PTPRD: variants seen among roughly 807,000 people sequenced by gnomAD.
PTPRD encodes the protein receptor-type tyrosine-protein phosphatase delta.
In PTPRD, 34 loss-of-function variants were observed where a neutral mutation model predicts 214.5. The observed-to-expected ratio is 0.16, with a 90% confidence interval of 0.12 to 0.21. The LOEUF (loss-of-function observed/expected upper bound fraction) is 0.21. PTPRD is among the 10% of genes least tolerant of loss of function. PTPRD has a pLI of 1.00. For synonymous variants in PTPRD, 1,128 were observed against 845.7 expected (o/e 1.33, Z -5.79); for missense variants, 2,545 against 2,398.7 (o/e 1.06, Z -1.27).
chr9:9,922,558 AATAGAG>A lies in PTPRD; in HGVS notation c.-368+15943_-368+15948del, dbSNP rs1357542927. On this transcript the variant is annotated intron_variant, in intron 5 of 45. Transcript: ENST00000381196. ...TACAGTAACAACTAAAAAGGACTGA[AATAGAG>A]ATAATGTCTATAATCAAAGAACAGG... Among the ~76,000 whole-genome samples the A allele has an allele frequency of 2.6e-5, 4 of 152,132 alleles. No homozygotes were observed. The East Asian group carries it at 7.7e-4, about 29-fold the overall frequency.
intron 2 of PTPRD, among the ~76,000 whole-genome samples, chr9:10,521,710 T>C (rs1180146069): frequency 6.6e-6 from 1 of 152,108 alleles, no homozygotes; most frequent in Admixed American, 6.6e-5. Flanking sequence ...ATTAGCATGG[T>C]GGCGGGACCC....
chr9:10,478,702 C>T (rs971169186), intron 2 of PTPRD, among the ~76,000 whole-genome samples: 1 of 151,604 alleles, frequency 6.6e-6, no homozygotes, highest in South Asian at 2.1e-4. Flanking sequence ...AATACAATTA[C>T]AGAGTTACTA....
At chr9:8,442,470 G>A (rs570168779) in intron 34 of PTPRD, among the ~76,000 whole-genome samples, 11 of 152,200 alleles carry the variant, frequency 7.2e-5, no homozygotes, top group East Asian at 1.9e-4. Context: ...CTATATACGT[G>A]TGTTTGTAAT....
At chr9:8,946,009 C>G (rs72706298) in intron 11 of PTPRD, among the ~76,000 whole-genome samples, 1 of 152,144 alleles carries the variant, frequency 6.6e-6, no homozygotes, top group Non-Finnish European at 1.5e-5. Flanking sequence ...TCCTCCTAAG[C>G]CATGTTACTC....
At chr9:9,165,684 G>C (rs1173402579) in intron 10 of PTPRD, among the ~76,000 whole-genome samples, 1 of 152,090 alleles carries the variant, frequency 6.6e-6, no homozygotes, top group Non-Finnish European at 1.5e-5. Context: ...AACTTACTGA[G>C]ATAGCAATGT....
At chr9:9,104,921 T>C (rs1290545863) in intron 10 of PTPRD, among the ~76,000 whole-genome samples, 1 of 151,980 alleles carries the variant, frequency 6.6e-6, no homozygotes, top group African/African-American at 2.4e-5. Flanking sequence ...AAGTGTGAGA[T>C]AGGAAAAGAT....
chr9:10,119,407 A>G (rs1205764072), intron 3 of PTPRD, among the ~76,000 whole-genome samples: 1 of 152,080 alleles, frequency 6.6e-6, no homozygotes, highest in Non-Finnish European at 1.5e-5. Flanking sequence ...TTAAAAGGAT[A>G]TCATGCATTC....
chr9:8,472,241 C>T (rs888352432), intron 30 of PTPRD, among the ~76,000 whole-genome samples: 2 of 152,140 alleles, frequency 1.3e-5, no homozygotes, highest in Non-Finnish European at 1.5e-5. Context: ...ACTCCATACA[C>T]TTCGTGGAGA....
intron 9 of PTPRD, among the ~76,000 whole-genome samples, chr9:9,250,223 C>T (rs557010165): frequency 2.0e-5 from 3 of 152,158 alleles, no homozygotes; most frequent in African/African-American, 4.8e-5. Context: ...GCATGTGTAG[C>T]TTCATATTTT....
At chr9:9,291,154 G>T (rs762886009) in intron 9 of PTPRD, among the ~76,000 whole-genome samples, 1 of 151,394 alleles carries the variant, frequency 6.6e-6, no homozygotes, top group Non-Finnish European at 1.5e-5. Context: ...CATTTCTGAG[G>T]CATATGTATG....
intron 9 of PTPRD, among the ~76,000 whole-genome samples, chr9:9,241,883 C>CA (rs2099970535): frequency 6.6e-6 from 1 of 152,030 alleles, no homozygotes; most frequent in Non-Finnish European, 1.5e-5. Flanking sequence ...TTGATACTGT[C>CA]ATTAAGATGT....
Position 9,065,848 on chromosome 9 carries a change from G to A in PTPRD, c.-142-47113C>T, listed in dbSNP as rs559582212. Among the ~76,000 whole-genome samples, 8 of 152,180 alleles carry A rather than the reference G, an allele frequency of 5.3e-5. No homozygotes were observed. The South Asian group carries it at 1.7e-3, about 32-fold the overall frequency. On this transcript the variant is annotated intron_variant, in intron 10 of 45. Transcript: ENST00000381196. Reference sequence around the variant, plus strand: ...CCATTAATTAATGTAATGTATAAATGTAATCCATTTAACCTCACCAATCTC... The same window carrying A: ...CCATTAATTAATGTAATGTATAAATATAATCCATTTAACCTCACCAATCTC...
At chr9:8,682,366 T>C (rs1388550701) in intron 12 of PTPRD, among the ~76,000 whole-genome samples, 1 of 150,658 alleles carries the variant, frequency 6.6e-6, no homozygotes, top group Non-Finnish European at 1.5e-5. Flanking sequence ...ACTTGGGCTT[T>C]AAATAATTAA....
At chr9:8,715,305 G>A (rs1023307205) in intron 12 of PTPRD, among the ~76,000 whole-genome samples, 1 of 152,066 alleles carries the variant, frequency 6.6e-6, no homozygotes, top group Admixed American at 6.6e-5. Flanking sequence ...CATAACAACT[G>A]CAGGATGAGG....
chr9:10,397,935 A>G (rs2098202062), intron 2 of PTPRD, among the ~76,000 whole-genome samples: 1 of 151,988 alleles, frequency 6.6e-6, no homozygotes, highest in Non-Finnish European at 1.5e-5. Context: ...TATTGTTGTC[A>G]TTAAGTGACA....
chr9:9,944,878 A>C (rs7874480), intron 4 of PTPRD, among the ~76,000 whole-genome samples: 17,597 of 151,990 alleles, frequency 0.12, 3,375 homozygotes, highest in African/African-American at 0.4. Flanking sequence ...GAGAAGGTCC[A>C]GTTTGGCCAG....
intron 12 of PTPRD, 131 bp downstream of exon 12, chr9:8,733,649 A>G: frequency 1.1e-6 from 1 of 908,090 alleles, no homozygotes; most frequent in Non-Finnish European, 1.7e-6. Flanking sequence ...CTGGTAGCCA[A>G]GGAGGATCCC....
At chr9:9,832,085 A>G (rs2055048520) in intron 5 of PTPRD, among the ~76,000 whole-genome samples, 1 of 152,066 alleles carries the variant, frequency 6.6e-6, no homozygotes, top group Non-Finnish European at 1.5e-5. Flanking sequence ...CCTCTCCAGT[A>G]TATAAGGGTA....
At chr9:8,745,147 C>T (rs972737198) in intron 11 of PTPRD, among the ~76,000 whole-genome samples, 6 of 152,134 alleles carry the variant, frequency 3.9e-5, no homozygotes, top group African/African-American at 9.7e-5. Context: ...AAAAAAATAA[C>T]ATCATTTTGG....
Sources: gnomAD v4.1 joint callset for allele counts (sites outside exome capture counted in the v4.1 genomes callset) on GRCh38, gnomAD v4.1.1 for gene constraint, MANE v1.5 for transcripts, NCBI Gene and HGNC (gene_info 2026-07-23, HGNC 2026-07-21) for gene names.